The following KIF13A variants were observed in gnomAD, a reference collection of about 807,000 sequenced individuals.
The protein encoded by KIF13A is kinesin family member 13A, also known as kinesin-like protein KIF13A.
KIF13A carries 79 observed loss-of-function variants against 212.2 expected under a neutral mutation model. The observed-to-expected ratio is 0.37, with a 90% CI of 0.31 to 0.45. The LOEUF (loss-of-function observed/expected upper bound fraction) is 0.45, where lower values mean the gene tolerates loss of function less well. Among genes scored for constraint, KIF13A ranks in the 20% least tolerant of loss-of-function variants. The pLI, the probability that KIF13A is intolerant of heterozygous loss-of-function variation, is 1.00. For synonymous variants in KIF13A, 789 were observed against 808.6 expected, an observed-to-expected ratio of 0.98 and a Z score of 0.41; for missense variants, 1,901 against 2,209.0, an observed-to-expected ratio of 0.86 and a Z score of 2.79.
In KIF13A at chr6:17,947,495, G is replaced by A. The variant is rs372955502; in HGVS notation, c.146+39559C>T. Reference sequence around the variant, plus strand: ...CTTAACTTCAAAAGTTCAAAACTTCGTTGCCTGTTAAATTTCCTGAATTTG... The same window carrying A: ...CTTAACTTCAAAAGTTCAAAACTTCATTGCCTGTTAAATTTCCTGAATTTG... On this transcript the variant is annotated intron_variant, in intron 2 of 38. Transcript: ENST00000259711. This position sits in a 1 kb window ranked among gnomAD's most constrained non-coding sequence, Gnocchi z 4.6. Among the ~76,000 whole-genome samples the A allele has an allele frequency of 7.9e-5, 12 of 151,986 alleles. No individual in the cohort carries two copies. The East Asian group carries it at 1.4e-3, about 17-fold the overall frequency.
intron 2 of KIF13A, among the ~76,000 whole-genome samples, chr6:17,910,803 C>A (rs990664211): frequency 6.6e-6 from 1 of 152,164 alleles, no homozygotes; most frequent in Non-Finnish European, 1.5e-5. Flanking sequence ...CGCTCTGTTG[C>A]CCAGGCTGGA....
rs539996836 is a variant in KIF13A, at chr6:17,871,718, G to C, written c.220+1659C>G. 6.6e-6 allele frequency among the ~76,000 whole-genome samples: 1 copy of C among 152,182 alleles called. No homozygotes were observed. The highest frequency in any genetic ancestry group is 1.5e-5 in the Non-Finnish European group (1 of 68,028). ...TAAAGGACCTCAAATGTAGTCCAAA[G>C]AGTATAGATTTTTTCTAGCATGTGA... is the stretch of plus-strand genomic sequence containing the variant. On this transcript the variant is annotated intron_variant, in intron 4 of 38. Coordinates refer to ENST00000259711, the MANE Select transcript of KIF13A (RefSeq NM_022113.6). The surrounding 1 kb of genome is among the most constrained non-coding windows in gnomAD (Gnocchi z 4.4).
At chr6:17,822,113 C>G (rs563892470) in intron 16 of KIF13A, among the ~76,000 whole-genome samples, 2 of 150,700 alleles carry the variant, frequency 1.3e-5, no homozygotes, top group African/African-American at 4.9e-5. Flanking sequence ...GATCTCAGCT[C>G]TAACTGCGGC....
chr6:17,985,654 A>G (rs1307691740), intron 2 of KIF13A, among the ~76,000 whole-genome samples: 2 of 132,798 alleles, frequency 1.5e-5, no homozygotes, highest in African/African-American at 3.1e-5. Context: ...GGGAGGGGAC[A>G]TTCGTTGGTG....
chr6:17,877,095 T>A (rs1278057984), intron 3 of KIF13A, among the ~76,000 whole-genome samples: 1 of 133,830 alleles, frequency 7.5e-6, no homozygotes, highest in African/African-American at 2.8e-5. Context: ...GGCATTTTTT[T>A]ACATTATAAA....
chr6:17,800,642 C>T (rs1762399707), intron 20 of KIF13A, among the ~76,000 whole-genome samples: 1 of 151,410 alleles, frequency 6.6e-6, no homozygotes, highest in South Asian at 2.1e-4. Flanking sequence ...GCTCTGTTGC[C>T]CAGGCTGGAG....
At position 17,816,989 on chromosome 6, in the gene KIF13A, G is replaced by C. The variant is rs1764004972; in HGVS notation, c.2000+31C>G. 1 of 1,573,340 alleles carries C rather than the reference G, an allele frequency of 6.4e-7. No individual in the cohort carries two copies. The highest frequency in any genetic ancestry group is 1.3e-5 in the African/African-American group (1 of 74,168). On this transcript the variant is annotated intron_variant, in intron 17 of 38. Transcript: ENST00000259711. The surrounding 1 kb of genome is among the most constrained non-coding windows in gnomAD (Gnocchi z 4.3). ...CAAAGACCCACGGCCTTGGGGCCTT[G>C]ACTCTGGGCTGCCCCCGCTGCAGTT...
Position 17,850,331 on chromosome 6 carries a change from G to A in KIF13A, c.709C>T (p.Gln237Ter). ...TCTGCCTAATCCCTTACCCCAGACT[G>A]CAGGTCATAAAGTGTCTGTGTGATT... Reference protein sequence around the residue: ...IIITQTLYDLQSGNSGEKVSK... With the variant: ...IIITQTLYDL The change falls in exon 8 of 39, where the codon CAG (glutamine) becomes TAG (stop). Residue 237 changes from glutamine to a stop codon, truncating the protein, a stop_gained. Transcript: ENST00000259711. LOFTEE classifies it high-confidence loss of function. The surrounding 1 kb of genome is among the most constrained non-coding windows in gnomAD (Gnocchi z 6.2). 1 of 1,612,710 alleles carries A rather than the reference G, an allele frequency of 6.2e-7. No individual in the cohort carries two copies. The highest frequency in any genetic ancestry group is 8.5e-7 in the Non-Finnish European group (1 of 1,179,176).
In KIF13A at chr6:17,773,530, A is replaced by C; in HGVS notation, c.4272T>G (p.Asp1424Glu). The C allele has an allele frequency of 6.2e-7, 1 of 1,612,320 alleles. No homozygotes were observed. The highest frequency in any genetic ancestry group is 8.5e-7 in the Non-Finnish European group (1 of 1,178,734). The change falls in exon 36 of 39, where the codon GAT (aspartate) becomes GAG (glutamate). Residue 1424 changes from aspartate to glutamate, a missense_variant. Physicochemically the swap from Asp to Glu is conservative, Grantham distance 45 (BLOSUM62 2). Transcript: ENST00000259711. The surrounding 1 kb of genome is among the most constrained non-coding windows in gnomAD (Gnocchi z 4.2). ...DMSDYSSSYQ[D>E]VACYGTLPRD... ...TGGGTAAAGTTCCATAACATGCTAC[A>C]TCTTGGTAACTGGAGCTATAGTCAG...
chr6:17,865,385 C>T (rs1239174128), intron 4 of KIF13A, among the ~76,000 whole-genome samples: 1 of 151,890 alleles, frequency 6.6e-6, no homozygotes, highest in Non-Finnish European at 1.5e-5. Context: ...TGGGCCTACT[C>T]ATTTGTGAGG....
chr6:17,937,756 T>TG (rs1554118971), intron 2 of KIF13A, among the ~76,000 whole-genome samples: 116 of 139,072 alleles, frequency 8.3e-4, no homozygotes, highest in African/African-American at 1.8e-3. Context: ...GTTTTTTTTT[T>TG]TTTGTTTTTT....
At chr6:17,814,751 C>T (rs1221675054) in intron 17 of KIF13A, among the ~76,000 whole-genome samples, 1 of 152,184 alleles carries the variant, frequency 6.6e-6, no homozygotes, top group Non-Finnish European at 1.5e-5. Context: ...AAAGACTGGA[C>T]TATGGCAAGA....
intron 3 of KIF13A, among the ~76,000 whole-genome samples, chr6:17,889,939 G>A (rs1454652601): frequency 6.6e-6 from 1 of 152,184 alleles, no homozygotes; most frequent in Non-Finnish European, 1.5e-5. Flanking sequence ...GAGGTCGAGA[G>A]TTTGAGACCA....
chr6:17,971,722 G>C lies in KIF13A; in HGVS notation c.146+15332C>G, dbSNP rs1022489458. ...TTACAGGAGTGAGTCACCACGTCCG[G>C]CTTGCTCTTGTTTTAGTGTGATTAC... On this transcript the variant is annotated intron_variant, in intron 2 of 38. Transcript: ENST00000259711. This position sits in a 1 kb window ranked among gnomAD's most constrained non-coding sequence, Gnocchi z 4.2. Among the ~76,000 whole-genome samples the C allele has an allele frequency of 2.6e-5, 4 of 152,100 alleles. No individual in the cohort carries two copies. Among genetic ancestry groups the C allele is most frequent in the African/African-American group, 9.7e-5 (4 of 41,404 alleles).
At chr6:17,790,183 C>T (rs1427330195) in intron 25 of KIF13A, among the ~76,000 whole-genome samples, 1 of 152,224 alleles carries the variant, frequency 6.6e-6, no homozygotes, top group East Asian at 1.9e-4. Flanking sequence ...AGGAGGATCT[C>T]TTGAAGCTAG....
intron 16 of KIF13A, among the ~76,000 whole-genome samples, chr6:17,820,512 C>G (rs1562015458): frequency 6.6e-6 from 1 of 152,330 alleles, no homozygotes; most frequent in East Asian, 1.9e-4. Flanking sequence ...TCCAAATCAG[C>G]AAGTCGATCT....
intron 17 of KIF13A, among the ~76,000 whole-genome samples, chr6:17,810,800 C>T (rs1763367162): frequency 2.6e-5 from 4 of 152,150 alleles, no homozygotes; most frequent in Admixed American, 2.6e-4. Flanking sequence ...AGGGTTTGTG[C>T]TCCTGTGAGA....
At position 17,872,782 on chromosome 6, in the gene KIF13A, CCCA is replaced by C. The variant is rs1413174451; in HGVS notation, c.220+592_220+594del. 1.3e-5 allele frequency among the ~76,000 whole-genome samples: 2 copies of C among 151,912 alleles called. No individual in the cohort carries two copies. Among genetic ancestry groups the C allele is most frequent in the African/African-American group, 2.4e-5 (1 of 41,362 alleles). ...TCCCAAGTAGCTGGGATTACAGGCG[CCCA>C]CCACCACACCTGAATAAGTTTTGTA... is the stretch of plus-strand genomic sequence containing the variant. On this transcript the variant is annotated intron_variant, in intron 4 of 38. Coordinates refer to ENST00000259711, the MANE Select transcript of KIF13A (RefSeq NM_022113.6). This position sits in a 1 kb window ranked among gnomAD's most constrained non-coding sequence, Gnocchi z 4.7.
chr6:17,777,483 A>C lies in KIF13A; in HGVS notation c.4093-129T>G. The C allele has an allele frequency of 2.7e-6, 2 of 737,952 alleles. No homozygotes were observed. The highest frequency in any genetic ancestry group is 3.1e-5 in the South Asian group (2 of 63,800). 45.7% of individuals were successfully genotyped at this position (737,952 alleles called of 1,614,324 possible). A position where few individuals can be genotyped will look rare whatever the true frequency, so the allele number is the denominator to read the frequency against. ...ACTGCAACCTCTGCCTCCTGGGTTCAAGCAATTCTGCCTCAGTCTCCTGAG... is the reference window on the plus strand; with the variant it reads ...ACTGCAACCTCTGCCTCCTGGGTTCCAGCAATTCTGCCTCAGTCTCCTGAG... On this transcript the variant is annotated intron_variant, in intron 33 of 38. Coordinates refer to ENST00000259711, the MANE Select transcript of KIF13A (RefSeq NM_022113.6). This position sits in a 1 kb window ranked among gnomAD's most constrained non-coding sequence, Gnocchi z 4.4.
Sources: allele counts gnomAD v4.1 joint callset (sites outside exome capture counted in the v4.1 genomes callset), GRCh38; gene constraint gnomAD v4.1.1; non-coding constraint Gnocchi (gnomAD v3.1); transcripts MANE v1.5; gene names NCBI Gene and HGNC (gene_info 2026-07-23, HGNC 2026-07-21).